The following COL13A1 variants were observed in gnomAD, a reference collection of about 807,000 sequenced individuals.
COL13A1 encodes the protein collagen alpha-1(XIII) chain.
Under a neutral mutation model 130.9 loss-of-function variants are expected in COL13A1, and 89 were observed. That is an observed-to-expected ratio of 0.68 (90% CI 0.57 to 0.81). COL13A1 has a LOEUF of 0.81. Ranked by LOEUF, COL13A1 falls within the 30% of genes least tolerant of loss-of-function variation. COL13A1 has a pLI of 0.00. For missense variants in COL13A1, 879 were observed against 934.6 expected (o/e 0.94, Z 0.78); for synonymous variants, 402 against 341.6 (o/e 1.18, Z -1.95).
At chr10:69,829,809 C>T (rs769782180) in intron 2 of COL13A1, among the ~76,000 whole-genome samples, 21 of 152,264 alleles carry the variant, frequency 1.4e-4, no homozygotes, top group Non-Finnish European at 3.1e-4. Flanking sequence ...AAATGCTCCA[C>T]CATCTGCCCC....
chr10:69,952,311 A>G (rs1047198661), intron 38 of COL13A1, among the ~76,000 whole-genome samples: 2 of 152,222 alleles, frequency 1.3e-5, no homozygotes, highest in African/African-American at 4.8e-5. Flanking sequence ...AAACGTGGGC[A>G]CACACACACA....
intron 10 of COL13A1, among the ~76,000 whole-genome samples, chr10:69,891,571 G>C (rs914316265): frequency 6.6e-6 from 1 of 152,090 alleles, no homozygotes; most frequent in African/African-American, 2.4e-5. Context: ...ATTTCCCCCC[G>C]CCCCTACCCC....
Position 69,904,918 on chromosome 10 carries a change from T to C in COL13A1, c.859-15T>C. On this transcript the variant is annotated splice_polypyrimidine_tract_variant and intron_variant, in intron 15 of 40. Coordinates refer to ENST00000645393, the MANE Select transcript of COL13A1 (RefSeq NM_001368882.1). ...CTTTTCTTTTTTCTTTTTTTTTTTT[T>C]TTTTGCTTCCACAGGGCTTACCTGG... 3 of 1,541,500 alleles carry C rather than the reference T, an allele frequency of 1.9e-6. No individual in the cohort carries two copies. The highest frequency in any genetic ancestry group is 2.6e-6 in the Non-Finnish European group (3 of 1,145,882).
chr10:69,897,561 C>T, intron 13 of COL13A1: 1 of 1,610,206 alleles, frequency 6.2e-7, no homozygotes, highest in Non-Finnish European at 8.5e-7. Context: ...TCTCCGGGCC[C>T]CTCTCCACTG....
At chr10:69,905,084 G>C in intron 16 of COL13A1, 125 bp downstream of exon 16, 1 of 1,124,514 alleles carries the variant, frequency 8.9e-7, no homozygotes, top group Admixed American at 2.5e-5. Context: ...GACAGATCAA[G>C]CTTGACCCAC....
intron 1 of COL13A1, among the ~76,000 whole-genome samples, chr10:69,806,625 G>A (rs944453915): frequency 3.3e-5 from 5 of 152,206 alleles, no homozygotes; most frequent in African/African-American, 1.2e-4. Flanking sequence ...GAAGAAAGAA[G>A]CTGGAATGTC....
intron 40 of COL13A1, 118 bp downstream of exon 40, chr10:69,957,160 T>C (rs1189255655): frequency 5.9e-6 from 5 of 843,474 alleles, no homozygotes; most frequent in Non-Finnish European, 1.0e-5. Flanking sequence ...AAATAGTCAC[T>C]GTCTCAAAGG....
At chr10:69,813,647 C>G (rs1843657842) in intron 1 of COL13A1, among the ~76,000 whole-genome samples, 1 of 152,150 alleles carries the variant, frequency 6.6e-6, no homozygotes, top group Non-Finnish European at 1.5e-5. Flanking sequence ...CCCTCCCTGT[C>G]CCCAGCACAC....
intron 32 of COL13A1, among the ~76,000 whole-genome samples, chr10:69,935,805 T>C (rs1400672773): frequency 2.6e-5 from 4 of 151,970 alleles, no homozygotes; most frequent in East Asian, 3.9e-4. Flanking sequence ...AGTCCGGAAG[T>C]TTGAGACCAG....
intron 31 of COL13A1, among the ~76,000 whole-genome samples, chr10:69,932,954 T>C (rs2066322785): frequency 6.6e-6 from 1 of 151,818 alleles, no homozygotes; most frequent in African/African-American, 2.4e-5. Context: ...CTGGCCAATA[T>C]GGTGAAACCC....
chr10:69,921,977 C>G (rs1589534026), intron 22 of COL13A1, 42 bp downstream of exon 22: 2 of 1,570,760 alleles, frequency 1.3e-6, no homozygotes, highest in Non-Finnish European at 1.7e-6. Flanking sequence ...CCTTCGTCAC[C>G]CACATCCCAT....
intron 14 of COL13A1, among the ~76,000 whole-genome samples, chr10:69,900,896 G>C (rs2062119545): frequency 6.6e-6 from 1 of 152,124 alleles, no homozygotes; most frequent in African/African-American, 2.4e-5. Flanking sequence ...TGTAACATAG[G>C]ACTTGTGACG....
intron 2 of COL13A1, among the ~76,000 whole-genome samples, chr10:69,842,468 T>C (rs1851867282): frequency 6.6e-6 from 1 of 152,210 alleles, no homozygotes; most frequent in African/African-American, 2.4e-5. Context: ...TTATAGGATG[T>C]CCATGCTCTG....
At chr10:69,848,767 AT>A (rs1368852444) in intron 2 of COL13A1, among the ~76,000 whole-genome samples, 1 of 152,146 alleles carries the variant, frequency 6.6e-6, no homozygotes, top group East Asian at 1.9e-4. Context: ...CAATGGAAGC[AT>A]TCCCCACAGA....
chr10:69,922,989 C>T (rs538616645), intron 23 of COL13A1, among the ~76,000 whole-genome samples, 195 bp downstream of exon 23: 1 of 152,320 alleles, frequency 6.6e-6, no homozygotes, highest in Admixed American at 6.5e-5. Flanking sequence ...AACAGTTTGA[C>T]CTTTCAGAGG....
chr10:69,940,871 C>A, intron 34 of COL13A1, 117 bp from the exon 35 acceptor site: 2 of 1,366,880 alleles, frequency 1.5e-6, no homozygotes, highest in Non-Finnish European at 2.1e-6. Context: ...TGATTACCAG[C>A]ATTTATGTCT....
intron 38 of COL13A1, among the ~76,000 whole-genome samples, chr10:69,949,190 C>T (rs1178058488): frequency 6.6e-6 from 1 of 152,118 alleles, no homozygotes; most frequent in African/African-American, 2.4e-5. Context: ...TCTGACCTTT[C>T]TTTGTTTCTT....
chr10:69,911,487 G>C (rs1415793205), intron 17 of COL13A1, among the ~76,000 whole-genome samples: 1 of 152,224 alleles, frequency 6.6e-6, no homozygotes, highest in African/African-American at 2.4e-5. Context: ...CTAGGAAATA[G>C]AGAAGCCAGG....
chr10:69,905,044 G>T, intron 16 of COL13A1, 85 bp downstream of exon 16: 1 of 1,457,270 alleles, frequency 6.9e-7, no homozygotes. Flanking sequence ...AGGTGACTGA[G>T]GCAGGAGCAG....
Sources: gnomAD v4.1 joint callset for allele counts (sites outside exome capture counted in the v4.1 genomes callset) on GRCh38, gnomAD v4.1.1 for gene constraint, MANE v1.5 for transcripts, NCBI Gene and HGNC (gene_info 2026-07-23, HGNC 2026-07-21) for gene names.